The following THBS3 variants were observed in gnomAD, a reference collection of about 807,000 sequenced individuals.
The protein encoded by THBS3 is thrombospondin 3.
A neutral mutation model predicts 118.3 loss-of-function variants in THBS3; 78 were observed. The observed-to-expected ratio is 0.66, with a 90% confidence interval of 0.55 to 0.80. The LOEUF is 0.80. THBS3 is among the 30% of genes least tolerant of loss of function. The pLI, the probability that THBS3 is intolerant of heterozygous loss-of-function variation, is 0.00. For missense variants in THBS3, 1,057 were observed against 1,247.4 expected, an observed-to-expected ratio of 0.85 and a Z score of 2.30; for synonymous variants, 427 against 475.3, an observed-to-expected ratio of 0.90 and a Z score of 1.32.
At chr1:155,199,521 A>G (rs1399242806) in intron 16 of THBS3, among the ~76,000 whole-genome samples, 1 of 152,144 alleles carries the variant, frequency 6.6e-6, no homozygotes, top group Non-Finnish European at 1.5e-5. Context: ...TGGGAGGCAG[A>G]GGCTGGCGGA....
Position 155,199,790 on chromosome 1 carries a change from G to T in THBS3, c.1880+14C>A. 1.9e-6 allele frequency: 3 copies of T among 1,613,908 alleles called. No individual in the cohort carries two copies. Among genetic ancestry groups the T allele is most frequent in the South Asian group, 2.2e-5 (2 of 91,072 alleles). ...AAAAAAGAAAGACCTTGCGTCTCTTGACCAAGACCTTACCTGTCTTCATTA... is the reference window on the plus strand; with the variant it reads ...AAAAAAGAAAGACCTTGCGTCTCTTTACCAAGACCTTACCTGTCTTCATTA... On this transcript the variant is annotated intron_variant, in intron 16 of 22. Transcript: ENST00000368378.
intron 4 of THBS3, among the ~76,000 whole-genome samples, chr1:155,204,413 A>C (rs1429606361): frequency 6.6e-6 from 1 of 151,962 alleles, no homozygotes; most frequent in Admixed American, 6.6e-5. Context: ...AACGTGGTGA[A>C]ATCCCATCTC....
chr1:155,203,676 AG>A, intron 4 of THBS3, 137 bp from the exon 5 acceptor site: 1 of 1,127,874 alleles, frequency 8.9e-7, no homozygotes. Context: ...GGATGCTGGG[AG>A]GGCAGAGCTG....
At chr1:155,208,829 A>C, upstream of THBS3, 1 of 1,577,998 alleles carries the variant, frequency 6.3e-7, no homozygotes, top group Non-Finnish European at 8.6e-7. Context: ...ACCCCCCCGC[A>C]GTCCCCGCTC....
At chr1:155,200,745 C>G in intron 13 of THBS3, 135 bp from the exon 14 acceptor site, 1 of 1,561,196 alleles carries the variant, frequency 6.4e-7, no homozygotes, top group East Asian at 2.2e-5. Context: ...GTCCCACCCA[C>G]CCAGCCTCCT....
chr1:155,209,034 G>C (rs1670939293), upstream of THBS3: 1 of 1,562,016 alleles, frequency 6.4e-7, no homozygotes, highest in South Asian at 1.2e-5. Context: ...CGCTACGTGG[G>C]CCACCTCTGG....
rs768125109 is a variant in THBS3, at chr1:155,201,962, T to C, written c.1171A>G (p.Thr391Ala). The C allele has an allele frequency of 7.4e-6, 12 of 1,613,950 alleles. No homozygotes were observed. The East Asian group carries it at 2.5e-4, about 33-fold the overall frequency. Reference sequence around the variant, plus strand: ...ACTCAGGATATTCAGCTCACCACAGTGTTGGTGCAGATGGAGTTTGGGTCA... The same window carrying C: ...ACTCAGGATATTCAGCTCACCACAGCGTTGGTGCAGATGGAGTTTGGGTCA... ...GCDPNSICTN[T>A]VGSFKCGPCR... is the part of the protein sequence containing the mutation. The change falls in exon 10 of 23, where the codon ACT (threonine) becomes GCT (alanine). Residue 391 changes from threonine to alanine, a missense_variant. Thr to Ala is a moderately conservative substitution (Grantham distance 58). Coordinates refer to ENST00000368378, the MANE Select transcript of THBS3 (RefSeq NM_007112.5).
intron 14 of THBS3, 120 bp from the exon 15 acceptor site, chr1:155,200,233 T>A: frequency 9.3e-7 from 1 of 1,080,268 alleles, no homozygotes; most frequent in East Asian, 2.4e-5. Flanking sequence ...GAAATCTGCC[T>A]GTTTCTTGTC....
rs140394517 is a variant in THBS3 at position 155,205,231 on chromosome 1, T to C, written c.372A>G (p.Thr124=). The C allele has an allele frequency of 1.0e-4, 168 of 1,613,962 alleles. No individual in the cohort carries two copies. The highest frequency in any genetic ancestry group is 1.3e-4 in the Non-Finnish European group (154 of 1,180,010). ...AGGGACCTCGGAGTCGCAGGAGAAC[T>C]GTGTGTGTGCGCCCATCAGCCAGGC... ...QAGLADGRTH[T]VLLRLRGPSR... The change falls in exon 3 of 23, where the codon ACA becomes ACG. Residue 124 remains threonine, a synonymous_variant. Coordinates refer to ENST00000368378, the MANE Select transcript of THBS3 (RefSeq NM_007112.5).
Position 155,197,675 on chromosome 1 carries a change from G to GCC in THBS3, c.2303-17_2303-16insGG. 2 of 831,656 alleles carry GCC rather than the reference G, an allele frequency of 2.4e-6. No individual in the cohort carries two copies. Among genetic ancestry groups the GCC allele is most frequent in the Non-Finnish European group, 3.9e-6 (2 of 512,724 alleles). 51.5% of individuals were successfully genotyped at this position (831,656 alleles called of 1,614,324 possible). On this transcript the variant is annotated splice_polypyrimidine_tract_variant and intron_variant, in intron 19 of 22. Coordinates refer to ENST00000368378, the MANE Select transcript of THBS3 (RefSeq NM_007112.5). This position sits in a 1 kb window ranked among gnomAD's most constrained non-coding sequence, Gnocchi z 5.0. ...GCCGTGTATCCTGGGGTGGGGGTGG[G>GCC]ATAAAGGTCAGGGGCAGCAAAGCTA... is the stretch of plus-strand genomic sequence containing the variant.
In THBS3 at chr1:155,202,251, C is replaced by T; in HGVS notation, c.1098+10G>A. On this transcript the variant is annotated intron_variant, in intron 9 of 22. Coordinates refer to ENST00000368378, the MANE Select transcript of THBS3 (RefSeq NM_007112.5). The surrounding 1 kb of genome is among the most constrained non-coding windows in gnomAD (Gnocchi z 5.5). ...AAGATCCCTTGTCCACACACACTAC[C>T]CAGTCTGACCTGTTTGCTGGCCCGG... 6.2e-7 allele frequency: 1 copy of T among 1,613,070 alleles called. No homozygotes were observed. The highest frequency in any genetic ancestry group is 8.5e-7 in the Non-Finnish European group (1 of 1,179,368).
In THBS3 at chr1:155,199,856, T is replaced by C. The variant is rs560297473; in HGVS notation, c.1828A>G (p.Thr610Ala). ...SCPEMSNPTQTDADSDLVGDV... is the reference protein window; with the variant it reads ...SCPEMSNPTQADADSDLVGDV... ...CCCACCAGGTCGCTGTCTGCATCTG[T>C]CTGAGAGAGAGGGACCTGTTCTCAC... The change falls in exon 16 of 23, where the codon ACA becomes GCA. Residue 610 changes from threonine to alanine, a missense_variant and splice_region_variant. Transcript: ENST00000368378. 6.2e-7 allele frequency: 1 copy of C among 1,614,232 alleles called. No individual in the cohort carries two copies. The highest frequency in any genetic ancestry group is 1.1e-5 in the South Asian group (1 of 91,088).
At chr1:155,196,189 C>G in intron 21 of THBS3, 63 bp from the exon 22 acceptor site, 1 of 1,594,482 alleles carries the variant, frequency 6.3e-7, no homozygotes, top group Non-Finnish European at 8.6e-7. Context: ...CACTGTGCCA[C>G]CATGCCTGGG....
Position 155,195,753 on chromosome 1 carries a change from G to A in THBS3, c.*88C>T. 1.4e-6 allele frequency: 2 copies of A among 1,415,792 alleles called. No homozygotes were observed. 87.7% of individuals were successfully genotyped at this position (1,415,792 alleles called of 1,614,324 possible). On this transcript the variant is annotated 3_prime_UTR_variant, in exon 23 of 23. Transcript: ENST00000368378. ...GAGAAGGGTCTGTGGTTGGCTGAGG[G>A]GCTGTAGCTTAGACCTCAGGGTCTC... is the stretch of plus-strand genomic sequence containing the variant.
In THBS3 at chr1:155,195,845, AC is replaced by A. The variant is rs1668568036; in HGVS notation, c.2866del (p.Val956CysfsTer28). 1 of 1,613,434 alleles carries A rather than the reference AC, an allele frequency of 6.2e-7. No homozygotes were observed. The highest frequency in any genetic ancestry group is 8.5e-7 in the Non-Finnish European group (1 of 1,179,912). ...PFRRQLLQGR[V>X] ...CTGAATCTGGTGGCCTCCTCCTCAC[AC>A]CCTTCCCTGGAGCAGCTGCCTCCGG... is the stretch of plus-strand genomic sequence containing the variant. On this transcript the variant is annotated frameshift_variant, in exon 23 of 23. Coordinates refer to ENST00000368378, the MANE Select transcript of THBS3 (RefSeq NM_007112.5). LOFTEE classifies it high-confidence loss of function.
At chr1:155,203,933 G>A (rs1354726206) in intron 4 of THBS3, among the ~76,000 whole-genome samples, 3 of 151,974 alleles carry the variant, frequency 2.0e-5, no homozygotes, top group East Asian at 1.9e-4. Context: ...CACCTCCTGG[G>A]TTCAAGCAAC....
At chr1:155,207,272 C>T (rs1670691699) in intron 1 of THBS3, among the ~76,000 whole-genome samples, 1 of 152,200 alleles carries the variant, frequency 6.6e-6, no homozygotes, top group Admixed American at 6.5e-5. Context: ...CCTCCTGTGT[C>T]CTGGCCAATC....
intron 16 of THBS3, among the ~76,000 whole-genome samples, chr1:155,199,243 T>A (rs1669242951): frequency 6.7e-6 from 1 of 150,154 alleles, no homozygotes; most frequent in African/African-American, 2.5e-5. Flanking sequence ...ACCCCGTCTC[T>A]ACTAAAAACA....
intron 12 of THBS3, 40 bp downstream of exon 12, chr1:155,201,054 G>C (rs1367016729): frequency 6.2e-7 from 1 of 1,614,032 alleles, no homozygotes; most frequent in Non-Finnish European, 8.5e-7. Flanking sequence ...ACCCAGCTTG[G>C]GCTCCCCACT....
Sources: allele counts gnomAD v4.1 joint callset (sites outside exome capture counted in the v4.1 genomes callset), GRCh38; gene constraint gnomAD v4.1.1; non-coding constraint Gnocchi (gnomAD v3.1); transcripts MANE v1.5; gene names NCBI Gene and HGNC (gene_info 2026-07-23, HGNC 2026-07-21).